The following PARVA variants were observed in gnomAD, a reference collection of about 807,000 sequenced individuals.
PARVA encodes the protein alpha-parvin.
PARVA carries 25 observed loss-of-function variants against 52.6 expected under a neutral mutation model. The observed-to-expected ratio is 0.48, with a 90% CI of 0.35 to 0.66. The LOEUF (loss-of-function observed/expected upper bound fraction) is 0.66, where lower values mean the gene tolerates loss of function less well. Ranked by LOEUF, PARVA falls within the 30% of genes least tolerant of loss-of-function variation. The pLI is 0.01. For synonymous variants in PARVA, 185 were observed against 179.1 expected (o/e 1.03, Z -0.26); for missense variants, 373 against 450.9 (o/e 0.83, Z 1.56).
chr11:12,413,953 A>G (rs1348834415), intron 1 of PARVA, among the ~76,000 whole-genome samples: 1 of 152,238 alleles, frequency 6.6e-6, no homozygotes, highest in Admixed American at 6.5e-5. Flanking sequence ...CTTTTGTCTC[A>G]TGCCATAGCC....
At chr11:12,418,485 G>A (rs1232465882) in intron 1 of PARVA, among the ~76,000 whole-genome samples, 2 of 152,162 alleles carry the variant, frequency 1.3e-5, no homozygotes, top group African/African-American at 2.4e-5. Context: ...GGAGGAGGAC[G>A]AAGACAGTTG....
At chr11:12,513,068 T>C in intron 8 of PARVA, 1 of 676,042 alleles carries the variant, frequency 1.5e-6, no homozygotes, top group Non-Finnish European at 2.7e-6. Context: ...CCTGCCCCAA[T>C]CCAATAATGT....
chr11:12,463,274 A>C (rs1940809345), intron 1 of PARVA, among the ~76,000 whole-genome samples: 1 of 152,014 alleles, frequency 6.6e-6, no homozygotes, highest in Non-Finnish European at 1.5e-5. Flanking sequence ...GTTTATTCAG[A>C]TTTCTTTAGC....
chr11:12,503,504 A>T (rs1292299115), intron 5 of PARVA, among the ~76,000 whole-genome samples: 4 of 151,902 alleles, frequency 2.6e-5, no homozygotes, highest in Admixed American at 2.6e-4. Flanking sequence ...GGAACCTGGG[A>T]TTAGAGAGGT....
At chr11:12,447,541 G>T (rs1205715080) in intron 1 of PARVA, among the ~76,000 whole-genome samples, 1 of 152,198 alleles carries the variant, frequency 6.6e-6, no homozygotes, top group Admixed American at 6.5e-5. Flanking sequence ...TGCCTTGCTT[G>T]CTGGGACAGC....
intron 1 of PARVA, among the ~76,000 whole-genome samples, chr11:12,391,860 A>G (rs76790191): frequency 0.02 from 3,075 of 152,268 alleles, 113 homozygotes; most frequent in African/African-American, 0.071. Flanking sequence ...CTTTTTTAAT[A>G]TAGCAGCTTT....
intron 1 of PARVA, among the ~76,000 whole-genome samples, chr11:12,454,882 C>G (rs965030913): frequency 4.6e-5 from 7 of 152,198 alleles, no homozygotes; most frequent in African/African-American, 1.7e-4. Flanking sequence ...ACATGTTCAG[C>G]TATTCAGTCT....
chr11:12,445,023 G>A (rs141764146), intron 1 of PARVA, among the ~76,000 whole-genome samples: 23 of 152,234 alleles, frequency 1.5e-4, no homozygotes, highest in Non-Finnish European at 2.6e-4. Context: ...TGTACTTCTA[G>A]GAGGAACTAG....
intron 1 of PARVA, among the ~76,000 whole-genome samples, chr11:12,412,815 A>G (rs78815533): frequency 0.011 from 1,655 of 152,352 alleles, 16 homozygotes; most frequent in East Asian, 0.031. Context: ...TTTCCACGCC[A>G]GTGTTAATAG....
At chr11:12,510,616 CG>C (rs927384092) in intron 7 of PARVA, among the ~76,000 whole-genome samples, 2 of 151,944 alleles carry the variant, frequency 1.3e-5, no homozygotes, top group African/African-American at 4.8e-5. Context: ...TCCACATGGC[CG>C]GGGAGGCCTC....
intron 12 of PARVA, among the ~76,000 whole-genome samples, chr11:12,522,883 G>A (rs1018920736): frequency 5.9e-5 from 9 of 152,020 alleles, no homozygotes; most frequent in Non-Finnish European, 1.2e-4. Context: ...TCAAGGGCAC[G>A]TATGTTGATG....
In PARVA at chr11:12,531,668, T is replaced by A. The variant is rs995076931; in HGVS notation, c.*3743T>A. 1.3e-5 allele frequency among the ~76,000 whole-genome samples: 2 copies of A among 151,732 alleles called. No homozygotes were observed. Among genetic ancestry groups the A allele is most frequent in the Non-Finnish European group, 2.9e-5 (2 of 67,988 alleles). On this transcript the variant is annotated 3_prime_UTR_variant, in exon 13 of 13. Coordinates refer to ENST00000334956, the MANE Select transcript of PARVA (RefSeq NM_018222.5). ...TAATAGAGCTCCACCTCAGGAATCTTACCTTTATAATACATCCTAGATAGG... is the reference window on the plus strand; with the variant it reads ...TAATAGAGCTCCACCTCAGGAATCTAACCTTTATAATACATCCTAGATAGG...
intron 3 of PARVA, among the ~76,000 whole-genome samples, chr11:12,475,996 TA>T (rs1231407215): frequency 6.6e-6 from 1 of 152,098 alleles, no homozygotes; most frequent in East Asian, 1.9e-4. Context: ...TGGGCAAGGG[TA>T]GGGGGAAAGG....
rs1366021398 is a variant in PARVA, at chr11:12,535,116, C to G, written c.*7191C>G. On this transcript the variant is annotated 3_prime_UTR_variant, in exon 13 of 13. Transcript: ENST00000334956. ...ATTCTCTGTGCCTCTCCTGAGTCTA[C>G]TTTCTGCATCATTGGTTCTCCCAGC... is the stretch of plus-strand genomic sequence containing the variant. Among the ~76,000 whole-genome samples, 5 of 152,210 alleles carry G rather than the reference C, an allele frequency of 3.3e-5. No homozygotes were observed. Among genetic ancestry groups the G allele is most frequent in the Non-Finnish European group, 5.9e-5 (4 of 68,036 alleles).
chr11:12,467,321 G>A (rs896789060), intron 1 of PARVA, among the ~76,000 whole-genome samples: 9 of 151,992 alleles, frequency 5.9e-5, no homozygotes, highest in Non-Finnish European at 1.2e-4. Flanking sequence ...AAATATCACC[G>A]GCAAACAAAG....
At chr11:12,447,940 C>T (rs1176998031) in intron 1 of PARVA, among the ~76,000 whole-genome samples, 2 of 152,110 alleles carry the variant, frequency 1.3e-5, no homozygotes, top group African/African-American at 4.8e-5. Context: ...ATATATCTAC[C>T]TCTTGGGTTT....
chr11:12,508,096 A>C (rs1941454908), intron 6 of PARVA, among the ~76,000 whole-genome samples: 1 of 101,586 alleles, frequency 9.8e-6, no homozygotes, highest in Non-Finnish European at 2.0e-5. Context: ...CATATTTATC[A>C]GTTAAAAAAA....
chr11:12,392,584 A>G (rs1939675664), intron 1 of PARVA, among the ~76,000 whole-genome samples: 1 of 152,170 alleles, frequency 6.6e-6, no homozygotes, highest in Non-Finnish European at 1.5e-5. Flanking sequence ...TTTTATGACT[A>G]AAAATATTAT....
chr11:12,519,137 G>A (rs893945482), intron 12 of PARVA, among the ~76,000 whole-genome samples: 3 of 152,226 alleles, frequency 2.0e-5, no homozygotes, highest in African/African-American at 7.2e-5. Flanking sequence ...CTTACTGACT[G>A]AAGTATTCCA....
Sources: allele counts gnomAD v4.1 joint callset (sites outside exome capture counted in the v4.1 genomes callset), GRCh38; gene constraint gnomAD v4.1.1; transcripts MANE v1.5; gene names NCBI Gene and HGNC (gene_info 2026-07-23, HGNC 2026-07-21).